The following ZNF546 variants were observed in gnomAD, a reference collection of about 807,000 sequenced individuals.
ZNF546 encodes the protein zinc finger protein 546.
Under a neutral mutation model 76.2 loss-of-function variants are expected in ZNF546, and 60 were observed. That is an observed-to-expected ratio of 0.79 (90% confidence interval 0.64 to 0.98). The LOEUF is 0.98. ZNF546 is among the 50% of genes least tolerant of loss of function. The pLI is 0.00. For synonymous variants in ZNF546, 277 were observed against 328.1 expected (o/e 0.84, Z 1.68); for missense variants, 936 against 1,035.6 (o/e 0.90, Z 1.32).
chr19:40,010,870 A>T (rs959210365), intron 6 of ZNF546, among the ~76,000 whole-genome samples: 2 of 151,956 alleles, frequency 1.3e-5, no homozygotes, highest in African/African-American at 4.8e-5. Context: ...TTTAGTAGAG[A>T]TGGGGTTTCA....
chr19:40,007,474 C>T, intron 5 of ZNF546, 74 bp downstream of exon 5: 7 of 1,404,676 alleles, frequency 5.0e-6, no homozygotes, highest in Non-Finnish European at 6.6e-6. Flanking sequence ...AACTTTAGAA[C>T]TCTGTTTTAA....
chr19:40,003,384 A>C (rs1363276505), intron 3 of ZNF546, among the ~76,000 whole-genome samples: 1 of 152,204 alleles, frequency 6.6e-6, no homozygotes, highest in East Asian at 1.9e-4. Flanking sequence ...GCACAATTTC[A>C]TACCTTAAGT....
At chr19:39,997,987 A>C (rs938216356) in intron 2 of ZNF546, 72 bp downstream of exon 2, 1 of 249,274 alleles carries the variant, frequency 4.0e-6, no homozygotes, top group Non-Finnish European at 7.8e-6. Flanking sequence ...CCTTGCCTGC[A>C]CCCAGTCATA....
intron 3 of ZNF546, among the ~76,000 whole-genome samples, chr19:39,999,205 G>C (rs1259038192): frequency 1.3e-5 from 2 of 152,306 alleles, no homozygotes; most frequent in East Asian, 3.9e-4. Flanking sequence ...TCTTCTGTCT[G>C]CTTTGTTCAA....
intron 3 of ZNF546, among the ~76,000 whole-genome samples, chr19:40,004,187 A>C (rs1484402239): frequency 6.7e-6 from 1 of 149,970 alleles, no homozygotes; most frequent in African/African-American, 2.4e-5. Context: ...AGTTGAAGAG[A>C]AGATCGTTCA....
In ZNF546 at chr19:40,020,125, G is replaced by A. The variant is rs1003490563; in HGVS notation, c.*4344G>A. The A allele has an allele frequency of 2.0e-5, 3 of 152,244 alleles. No homozygotes were observed. Among genetic ancestry groups the A allele is most frequent in the East Asian group, 1.9e-4 (1 of 5,190 alleles). The allele number at this position is 152,244 out of a possible 1,614,324, so 9.4% of individuals were successfully genotyped here. A position where few individuals can be genotyped will look rare whatever the true frequency, so the allele number is the denominator to read the frequency against. The stretch of plus-strand genomic sequence containing the variant: ...GATTTAATGGCATGTAGGGGTTTGC[G>A]TGAATATATACAGTTGAAATTCAAT... On this transcript the variant is annotated 3_prime_UTR_variant, in exon 7 of 7. Transcript: ENST00000347077.
chr19:40,004,253 T>G (rs1049618268), intron 3 of ZNF546, among the ~76,000 whole-genome samples: 2 of 150,984 alleles, frequency 1.3e-5, no homozygotes, highest in African/African-American at 4.9e-5. Context: ...TGTATGCCGG[T>G]GTGTATATTT....
rs1330325657 is a variant in ZNF546, at chr19:40,017,967, T to A, written c.*2186T>A. 9 of 74,408 alleles carry A rather than the reference T, an allele frequency of 1.2e-4. No individual in the cohort carries two copies. In the East Asian group the frequency reaches 2.8e-3, roughly 23 times the overall value. The allele number at this position is 74,408 out of a possible 1,614,324, so 4.6% of individuals were successfully genotyped here. ...CCCACAACTTTATTGCAACATTGAC[T>A]TTTTTTTTTTTTTTTTTTTTTTTTT... On this transcript the variant is annotated 3_prime_UTR_variant, in exon 7 of 7. Transcript: ENST00000347077.
At chr19:40,005,952 T>C in intron 3 of ZNF546, 144 bp from the exon 4 acceptor site, 1 of 725,664 alleles carries the variant, frequency 1.4e-6, no homozygotes, top group Admixed American at 2.9e-5. Flanking sequence ...CCAGCCTTGA[T>C]ATTGAGATAT....
At chr19:40,006,560 G>A (rs1971604747) in intron 4 of ZNF546, among the ~76,000 whole-genome samples, 2 of 152,192 alleles carry the variant, frequency 1.3e-5, no homozygotes, top group African/African-American at 4.8e-5. Context: ...TGAGGAGGTT[G>A]TGCTGGTCTC....
chr19:40,014,330 G>C lies in ZNF546; in HGVS notation c.1060G>C (p.Glu354Gln). The change falls in exon 7 of 7, where the codon GAG (glutamate) becomes CAG (glutamine). Residue 354 changes from glutamate (E) to glutamine (Q), a missense_variant. Transcript: ENST00000347077. ...LTEHQRIHTG[E>Q]RPYECKVCGK... is the part of the protein sequence containing the mutation. Reference sequence around the variant, plus strand: ...TGAACATCAAAGAATTCATACTGGTGAGAGGCCTTATGAATGTAAGGTTTG... The same window carrying C: ...TGAACATCAAAGAATTCATACTGGTCAGAGGCCTTATGAATGTAAGGTTTG... The C allele has an allele frequency of 6.2e-7, 1 of 1,614,106 alleles. No individual in the cohort carries two copies. Among genetic ancestry groups the C allele is most frequent in the Non-Finnish European group, 8.5e-7 (1 of 1,180,012 alleles).
chr19:40,013,953 AAC>A lies in ZNF546; in HGVS notation c.685_686del (p.Gln229ValfsTer13). On this transcript the variant is annotated frameshift_variant, in exon 7 of 7. Transcript: ENST00000347077. LOFTEE classifies it high-confidence loss of function. ...AAGGAATGTAGAAAGGCCTTTAGAC[AAC>A]AGTCATACCTTATTCAACATCTGAG... The A allele has an allele frequency of 6.2e-7, 1 of 1,612,204 alleles. No homozygotes were observed.
intron 3 of ZNF546, 49 bp downstream of exon 3, chr19:39,998,459 G>C: frequency 6.8e-7 from 1 of 1,461,176 alleles, no homozygotes; most frequent in Non-Finnish European, 9.6e-7. Context: ...TTGTTTTATT[G>C]AGATTAATGT....
At chr19:39,999,509 A>G (rs1305067685) in intron 3 of ZNF546, 2 of 152,220 alleles carry the variant, frequency 1.3e-5, no homozygotes, top group Non-Finnish European at 2.9e-5. Context: ...TACATAAGGC[A>G]CTTATAAAGA....
intron 4 of ZNF546, 77 bp downstream of exon 4, chr19:40,006,259 C>G: frequency 7.4e-7 from 1 of 1,351,906 alleles, no homozygotes; most frequent in Non-Finnish European, 1.0e-6. Flanking sequence ...TATCTTGAGA[C>G]TTCCTTCCTA....
At chr19:40,007,644 G>A (rs1263863373) in intron 5 of ZNF546, among the ~76,000 whole-genome samples, 2 of 152,034 alleles carry the variant, frequency 1.3e-5, no homozygotes, top group African/African-American at 2.4e-5. Context: ...ATAATTTCCA[G>A]GTTTGAGTTG....
chr19:40,013,944 C>T lies in ZNF546; in HGVS notation c.674C>T (p.Ala225Val), dbSNP rs559263925. 59 of 1,611,788 alleles carry T rather than the reference C, an allele frequency of 3.7e-5. No homozygotes were observed. Among genetic ancestry groups the T allele is most frequent in the Non-Finnish European group, 4.4e-5 (52 of 1,178,802 alleles). The part of the protein sequence containing the change: ...KSYECKECRK[A>V]FRQQSYLIQH... ...TATGAATGTAAGGAATGTAGAAAGG[C>T]CTTTAGACAACAGTCATACCTTATT... Residue 225 changes from alanine (A) to valine (V), a missense_variant, in exon 7 of 7, where the codon GCC (alanine) becomes GTC (valine). By Grantham distance (64) the Ala-to-Val change is moderately conservative. Coordinates refer to ENST00000347077, the MANE Select transcript of ZNF546 (RefSeq NM_178544.5).
chr19:40,012,816 CTTT>C (rs879507609), intron 6 of ZNF546, among the ~76,000 whole-genome samples: 3 of 141,536 alleles, frequency 2.1e-5, no homozygotes, highest in Admixed American at 7.1e-5. Context: ...TTTTACCATT[CTTT>C]TTTTTTTTTT....
chr19:40,003,060 G>C (rs1489797402), intron 3 of ZNF546, among the ~76,000 whole-genome samples: 1 of 120,872 alleles, frequency 8.3e-6, no homozygotes, highest in East Asian at 2.4e-4. Flanking sequence ...TTTTGAGACA[G>C]AGTCTCGCTC....
Sources: gnomAD v4.1 joint callset for allele counts (sites outside exome capture counted in the v4.1 genomes callset) on GRCh38, gnomAD v4.1.1 for gene constraint, MANE v1.5 for transcripts, NCBI Gene and HGNC (gene_info 2026-07-23, HGNC 2026-07-21) for gene names.